CSMD1: variants seen among roughly 807,000 people sequenced by gnomAD.
CSMD1 encodes the protein CUB and Sushi multiple domains 1, also known as CUB and sushi domain-containing protein 1.
A neutral mutation model predicts 417.5 loss-of-function variants in CSMD1; 213 were observed. The ratio of observed to expected loss-of-function variants is 0.51; its 90% CI spans 0.46 to 0.57. The LOEUF (loss-of-function observed/expected upper bound fraction) is 0.57. CSMD1 is among the 20% of genes least tolerant of loss of function. The probability of loss-of-function intolerance (pLI) is 0.00; values close to 1 mark genes in which losing one functional copy is unlikely to be tolerated. For synonymous variants in CSMD1, 2,862 were observed against 1,736.8 expected, an observed-to-expected ratio of 1.65 and a Z score of -16.11; for missense variants, 6,923 against 4,529.7, an observed-to-expected ratio of 1.53 and a Z score of -15.17.
intron 2 of CSMD1, among the ~76,000 whole-genome samples, chr8:4,461,710 C>G (rs1014190606): frequency 6.7e-6 from 1 of 149,996 alleles, no homozygotes; most frequent in African/African-American, 2.5e-5. Context: ...ACCACCATAG[C>G]CAGCTCATCT....
rs375647255 is a variant in CSMD1, at chr8:3,219,397, C to A, written c.4530G>T (p.Gly1510=). The change falls in exon 29 of 70, where the codon GGG becomes GGT. Residue 1510 remains glycine (G), a synonymous_variant. Coordinates refer to ENST00000635120, the MANE Select transcript of CSMD1 (RefSeq NM_033225.6). ...PSYDFLHIYE[G]EDSNSPLIGS... is the part of the protein sequence containing the mutation. ...CAATGAGGGGGCTGTTGGAATCTTC[C>A]CCTTCATAGATGTGTAGGAAGTCAT... 7.0e-6 allele frequency: 11 copies of A among 1,562,024 alleles called. No individual in the cohort carries two copies. In the African/African-American group the frequency reaches 1.1e-4, roughly 15 times the overall value.
chr8:4,945,483 C>G (rs1253459642), intron 1 of CSMD1, among the ~76,000 whole-genome samples: 1 of 147,428 alleles, frequency 6.8e-6, no homozygotes, highest in African/African-American at 2.6e-5. Context: ...TTACTTGAGC[C>G]CAAGAGTTTT....
intron 1 of CSMD1, among the ~76,000 whole-genome samples, chr8:4,678,203 G>C (rs755896272): frequency 1.3e-5 from 2 of 151,358 alleles, no homozygotes; most frequent in Non-Finnish European, 2.9e-5. Flanking sequence ...ATGAGGCCGG[G>C]AGTTCGAGGT....
chr8:4,610,449 T>C (rs2130788815), intron 2 of CSMD1, among the ~76,000 whole-genome samples: 1 of 152,270 alleles, frequency 6.6e-6, no homozygotes, highest in Non-Finnish European at 1.5e-5. Context: ...AGGGGTCAGG[T>C]GTCTTCTTCA....
chr8:3,976,025 T>C (rs1037593918), intron 5 of CSMD1, among the ~76,000 whole-genome samples: 12 of 152,284 alleles, frequency 7.9e-5, no homozygotes, highest in African/African-American at 2.9e-4. Flanking sequence ...AAAAGATCAA[T>C]ATATTCAATA....
chr8:3,619,334 T>C (rs1048038450), intron 7 of CSMD1, among the ~76,000 whole-genome samples: 1 of 152,078 alleles, frequency 6.6e-6, no homozygotes, highest in Non-Finnish European at 1.5e-5. Context: ...TTTTCTACCG[T>C]GTTCTGCAAA....
intron 5 of CSMD1, among the ~76,000 whole-genome samples, chr8:3,763,599 GCC>G (rs1257784258): frequency 6.6e-6 from 1 of 152,106 alleles, no homozygotes; most frequent in Admixed American, 6.6e-5. Context: ...GGAATTCTGA[GCC>G]AAATAAACCT....
intron 20 of CSMD1, among the ~76,000 whole-genome samples, chr8:3,361,963 G>C (rs919395505): frequency 5.9e-5 from 9 of 152,062 alleles, no homozygotes; most frequent in Admixed American, 3.3e-4. Flanking sequence ...AAGTATATTT[G>C]CAAGGTGTGC....
chr8:4,488,916 A>AT (rs1014933305), intron 2 of CSMD1, among the ~76,000 whole-genome samples: 26 of 152,034 alleles, frequency 1.7e-4, no homozygotes, highest in Non-Finnish European at 2.9e-4. Context: ...ATTACTAAAC[A>AT]TTTTTTTATT....
intron 1 of CSMD1, among the ~76,000 whole-genome samples, chr8:4,754,041 A>G (rs963804373): frequency 1.6e-4 from 25 of 152,232 alleles, no homozygotes; most frequent in Non-Finnish European, 3.1e-4. Context: ...TAACATTGAC[A>G]TAACATAAAA....
intron 5 of CSMD1, among the ~76,000 whole-genome samples, chr8:3,957,744 GA>G (rs1190362595): frequency 1.3e-5 from 2 of 151,904 alleles, no homozygotes; most frequent in South Asian, 2.1e-4. Context: ...ATGTAGAAAA[GA>G]AAAAAGAAAA....
intron 2 of CSMD1, among the ~76,000 whole-genome samples, chr8:4,608,882 T>C (rs1422338216): frequency 1.3e-5 from 2 of 152,218 alleles, no homozygotes; most frequent in East Asian, 3.9e-4. Flanking sequence ...ATTTGTTTGT[T>C]CTTTTAAAAT....
chr8:4,109,683 C>A (rs1311006780), intron 3 of CSMD1, among the ~76,000 whole-genome samples: 2 of 152,144 alleles, frequency 1.3e-5, no homozygotes, highest in South Asian at 2.1e-4. Flanking sequence ...AAATAATTTT[C>A]AAGATACTCC....
intron 10 of CSMD1, among the ~76,000 whole-genome samples, chr8:3,567,568 A>G (rs189120059): frequency 1.1e-4 from 17 of 151,850 alleles, no homozygotes; most frequent in African/African-American, 4.1e-4. Context: ...GAAGGGAAGG[A>G]AAGGGAAGGG....
In CSMD1 at chr8:4,118,374, G is replaced by C. The variant is rs138234511; in HGVS notation, c.416-86275C>G. Among the ~76,000 whole-genome samples, 1,155 of 146,972 alleles carry C rather than the reference G, an allele frequency of 7.9e-3. 7 individuals carry two copies. The highest frequency in any genetic ancestry group is 0.014 in the Middle Eastern group (4 of 280). On this transcript the variant is annotated intron_variant, in intron 3 of 69. Transcript: ENST00000635120. ...CCATCTGACAAATGTCTAACATCCA[G>C]AATCTACAAAGAACTTAAAGAAATT...
At chr8:3,309,602 G>C (rs1358206790) in intron 23 of CSMD1, among the ~76,000 whole-genome samples, 1 of 144,674 alleles carries the variant, frequency 6.9e-6, no homozygotes, top group Non-Finnish European at 1.5e-5. Flanking sequence ...TTCATATCAT[G>C]ATGCAAATTT....
At chr8:3,384,447 C>T (rs7819929) in intron 18 of CSMD1, among the ~76,000 whole-genome samples, 91,112 of 150,796 alleles carry the variant, frequency 0.6, 27,837 homozygotes, top group Middle Eastern at 0.66. Context: ...AGAATCCTTA[C>T]GCTATTGCAC....
intron 49 of CSMD1, among the ~76,000 whole-genome samples, chr8:3,061,699 C>A (rs1176987226): frequency 6.6e-6 from 1 of 152,186 alleles, no homozygotes; most frequent in Non-Finnish European, 1.5e-5. Flanking sequence ...ATAGCGAAAT[C>A]TCTATGTTTC....
intron 3 of CSMD1, among the ~76,000 whole-genome samples, chr8:4,336,145 C>T (rs28662857): frequency 6.6e-6 from 1 of 152,048 alleles, no homozygotes; most frequent in South Asian, 2.1e-4. Flanking sequence ...TCACTTTAAG[C>T]TCTACCCTGA....
Sources: allele counts gnomAD v4.1 joint callset (sites outside exome capture counted in the v4.1 genomes callset), GRCh38; gene constraint gnomAD v4.1.1; transcripts MANE v1.5; gene names NCBI Gene and HGNC (gene_info 2026-07-23, HGNC 2026-07-21).